EFCAB14: variants seen among roughly 807,000 people sequenced by gnomAD.
EFCAB14 encodes EF-hand calcium-binding domain-containing protein 14.
A neutral mutation model predicts 56.5 loss-of-function variants in EFCAB14; 43 were observed. That is an observed-to-expected ratio of 0.76 (90% confidence interval 0.60 to 0.98). The LOEUF (loss-of-function observed/expected upper bound fraction) is 0.98. Among genes scored for constraint, EFCAB14 ranks in the 50% least tolerant of loss-of-function variants. The pLI is 0.00. For missense variants in EFCAB14, 538 were observed against 580.3 expected (o/e 0.93, Z 0.75); for synonymous variants, 235 against 212.9 (o/e 1.10, Z -0.90).
intron 10 of EFCAB14, among the ~76,000 whole-genome samples, chr1:46,678,980 G>A (rs1453746862): frequency 2.6e-5 from 4 of 152,184 alleles, no homozygotes; most frequent in East Asian, 3.8e-4. Context: ...ACAGATAATC[G>A]CAGGAGAATG....
chr1:46,691,179 GT>G (rs1189589175), intron 5 of EFCAB14, among the ~76,000 whole-genome samples: 1 of 152,198 alleles, frequency 6.6e-6, no homozygotes, highest in Non-Finnish European at 1.5e-5. Flanking sequence ...CACTGCAGGG[GT>G]TTGATTCTGT....
chr1:46,695,234 A>G (rs1018916141), intron 4 of EFCAB14, among the ~76,000 whole-genome samples: 1 of 152,174 alleles, frequency 6.6e-6, no homozygotes, highest in Non-Finnish European at 1.5e-5. Flanking sequence ...AAAAAGAATA[A>G]ACCAGTTTCC....
chr1:46,704,476 CAAA>C lies in EFCAB14; in HGVS notation c.480+3427_480+3429del, dbSNP rs35092498. ...TGGGTGACACAGTGAGATTGTGTCT[CAAA>C]AAAAAAAAAAAAAAAAAAAGGTCAG... On this transcript the variant is annotated intron_variant, in intron 3 of 10. Transcript: ENST00000371933. Among the ~76,000 whole-genome samples the C allele has an allele frequency of 2.6e-4, 19 of 73,982 alleles. No individual in the cohort carries two copies. The East Asian group carries it at 6.0e-3, about 23-fold the overall frequency. The allele number at this position is 73,982 out of a possible 152,430, so 48.5% of individuals were successfully genotyped here.
chr1:46,686,681 C>T (rs1397624611), intron 8 of EFCAB14, 103 bp downstream of exon 8: 2 of 1,138,962 alleles, frequency 1.8e-6, no homozygotes, highest in Non-Finnish European at 2.6e-6. Context: ...AGTTTCAGCA[C>T]ATGAGAACAA....
At chr1:46,685,947 G>A (rs12059461) in intron 8 of EFCAB14, among the ~76,000 whole-genome samples, 3,544 of 152,244 alleles carry the variant, frequency 0.023, 144 homozygotes, top group African/African-American at 0.081. Flanking sequence ...ATTAAGGTAG[G>A]AAAAATAAAG....
In EFCAB14 at chr1:46,676,742, T is replaced by C. The variant is rs1676700966; in HGVS notation, c.*1719A>G. 1 of 152,598 alleles carries C rather than the reference T, an allele frequency of 6.6e-6. No individual in the cohort carries two copies. Among genetic ancestry groups the C allele is most frequent in the African/African-American group, 2.4e-5 (1 of 41,446 alleles). The allele number at this position is 152,598 out of a possible 1,614,324, so 9.5% of individuals were successfully genotyped here. ...TTTAACCTTTCCAAGAAAGTGAAACTGAGCATAAGCTATAATGAGATAAGG... is the reference window on the plus strand; with the variant it reads ...TTTAACCTTTCCAAGAAAGTGAAACCGAGCATAAGCTATAATGAGATAAGG... On this transcript the variant is annotated 3_prime_UTR_variant, in exon 11 of 11. Transcript: ENST00000371933.
At chr1:46,717,818 A>T in intron 1 of EFCAB14, 85 bp downstream of exon 1, 1 of 1,432,202 alleles carries the variant, frequency 7.0e-7, no homozygotes, top group South Asian at 1.3e-5. Context: ...CTTCCTAAGG[A>T]CTTCCTTTCT....
intron 8 of EFCAB14, 94 bp downstream of exon 8, chr1:46,686,690 A>T (rs1676887369): frequency 8.0e-7 from 1 of 1,253,784 alleles, no homozygotes. Context: ...ACATGAGAAC[A>T]AAAGTACGCC....
Position 46,692,806 on chromosome 1 carries a change from G to C in EFCAB14, c.580-869C>G, listed in dbSNP as rs4660955. Among the ~76,000 whole-genome samples the C allele has an allele frequency of 5.6e-3, 855 of 152,280 alleles. 10 individuals are homozygous for C. Among genetic ancestry groups the C allele is most frequent in the East Asian group, 0.034 (174 of 5,186 alleles). On this transcript the variant is annotated intron_variant, in intron 4 of 10. Coordinates refer to ENST00000371933, the MANE Select transcript of EFCAB14 (RefSeq NM_014774.3). ...TAGTGTATACTGAGATAATTAACAGGACTCTTTCTCTATCAATCAAACAAG... is the reference window on the plus strand; with the variant it reads ...TAGTGTATACTGAGATAATTAACAGCACTCTTTCTCTATCAATCAAACAAG...
Position 46,686,815 on chromosome 1 carries a change from C to T in EFCAB14, c.1043G>A (p.Arg348Lys), listed in dbSNP as rs531197471. Reference sequence around the variant, plus strand: ...GCTTTGGATTTTTACTGTATCTGTTCTGTTGGTGACTTGATCCAAAGACTG... The same window carrying T: ...GCTTTGGATTTTTACTGTATCTGTTTTGTTGGTGACTTGATCCAAAGACTG... The part of the protein sequence containing the change: ...KRQSLDQVTN[R>K]TDTVKIQSIK... The change falls in exon 8 of 11, where the codon AGA becomes AAA. Residue 348 changes from arginine (R) to lysine (K), a missense_variant. Physicochemically the swap from Arg to Lys is conservative, Grantham distance 26. Coordinates refer to ENST00000371933, the MANE Select transcript of EFCAB14 (RefSeq NM_014774.3). The T allele has an allele frequency of 6.2e-7, 1 of 1,613,812 alleles. No homozygotes were observed. Among genetic ancestry groups the T allele is most frequent in the South Asian group, 1.1e-5 (1 of 91,076 alleles).
intron 2 of EFCAB14, among the ~76,000 whole-genome samples, chr1:46,711,805 T>C (rs1677311936): frequency 6.6e-6 from 1 of 152,198 alleles, no homozygotes; most frequent in Non-Finnish European, 1.5e-5. Flanking sequence ...ATTTATACAA[T>C]GTCTTTCCAG....
At chr1:46,680,342 G>A (rs905111747) in intron 10 of EFCAB14, among the ~76,000 whole-genome samples, 4 of 152,214 alleles carry the variant, frequency 2.6e-5, no homozygotes, top group South Asian at 2.1e-4. Flanking sequence ...AGACCAAAAT[G>A]TGTTAGGTCA....
chr1:46,688,498 A>G lies in EFCAB14; in HGVS notation c.842T>C (p.Leu281Pro). 6.2e-7 allele frequency: 1 copy of G among 1,613,864 alleles called. No homozygotes were observed. Among genetic ancestry groups the G allele is most frequent in the Non-Finnish European group, 8.5e-7 (1 of 1,179,850 alleles). ...HNSLEEVNSA[L>P]VGYQRQNDLK... ...ATCATTCTGTCTCTGGTACCCCACT[A>G]GGGCACTGTTTACCTCCTCTAAAGA... is the stretch of plus-strand genomic sequence containing the variant. Residue 281 changes from leucine (L) to proline (P), a missense_variant, in exon 7 of 11, where the codon CTA becomes CCA. Leu to Pro is a moderately conservative substitution (Grantham distance 98). Coordinates refer to ENST00000371933, the MANE Select transcript of EFCAB14 (RefSeq NM_014774.3).
chr1:46,687,812 G>A (rs551646723), intron 7 of EFCAB14, among the ~76,000 whole-genome samples: 1 of 152,282 alleles, frequency 6.6e-6, no homozygotes, highest in Non-Finnish European at 1.5e-5. Flanking sequence ...GTAAAATGAG[G>A]AGGTGAACTC....
At position 46,716,402 on chromosome 1, in the gene EFCAB14, C is replaced by G. The variant is rs772763318; in HGVS notation, c.227G>C (p.Cys76Ser). 3 of 1,614,114 alleles carry G rather than the reference C, an allele frequency of 1.9e-6. No homozygotes were observed. The East Asian group carries it at 6.7e-5, about 36-fold the overall frequency. The change falls in exon 2 of 11, where the codon TGT becomes TCT. Residue 76 changes from cysteine (C) to serine (S), a missense_variant. Coordinates refer to ENST00000371933, the MANE Select transcript of EFCAB14 (RefSeq NM_014774.3). ...LRCCKICYPL[C>S]GFVILAACVV... is the part of the protein sequence containing the mutation. ...ACAGGCAGCAAGGATGACAAAACCA[C>G]AGAGCGGATAACAGATCTTGCAGCA...
Position 46,675,824 on chromosome 1 carries a change from C to CT in EFCAB14, c.*2636dup, listed in dbSNP as rs1676685756. On this transcript the variant is annotated 3_prime_UTR_variant, in exon 11 of 11. Transcript: ENST00000371933. ...TTTGCCTCTCTGATTTATGGGGAGG[C>CT]TCTTTTAGTAAACATTATACAAGAT... 1 of 152,102 alleles carries CT rather than the reference C, an allele frequency of 6.6e-6. No homozygotes were observed. Among genetic ancestry groups the CT allele is most frequent in the South Asian group, 2.1e-4 (1 of 4,822 alleles). The allele number at this position is 152,102 out of a possible 1,614,324, so 9.4% of individuals were successfully genotyped here.
Position 46,718,210 on chromosome 1 carries a change from G to A in EFCAB14, c.-123C>T, listed in dbSNP as rs1430629793. 3.9e-6 allele frequency: 4 copies of A among 1,025,820 alleles called. No individual in the cohort carries two copies. The highest frequency in any genetic ancestry group is 5.0e-5 in the East Asian group (2 of 40,166). The allele number at this position is 1,025,820 out of a possible 1,614,324, so 63.5% of individuals were successfully genotyped here. A position where few individuals can be genotyped will look rare whatever the true frequency, so the allele number is the denominator to read the frequency against. ...GGGAATCCTGGGCCAGAGCCCCCTGGTCACTCCCACCTAGGGGTGGGACTG... is the reference window on the plus strand; with the variant it reads ...GGGAATCCTGGGCCAGAGCCCCCTGATCACTCCCACCTAGGGGTGGGACTG... On this transcript the variant is annotated 5_prime_UTR_variant, in exon 1 of 11. Transcript: ENST00000371933.
At chr1:46,716,479 A>G (rs748944588) in intron 1 of EFCAB14, 36 bp from the exon 2 acceptor site, 1 of 1,611,584 alleles carries the variant, frequency 6.2e-7, no homozygotes. Context: ...TGAGTACAAA[A>G]GTGATTATGG....
intron 3 of EFCAB14, among the ~76,000 whole-genome samples, chr1:46,707,442 C>G (rs1176376817): frequency 6.6e-6 from 1 of 152,172 alleles, no homozygotes; most frequent in African/African-American, 2.4e-5. Context: ...ATTTGACTGA[C>G]CAAGGTATTT....
Sources: allele counts gnomAD v4.1 joint callset (sites outside exome capture counted in the v4.1 genomes callset), GRCh38; gene constraint gnomAD v4.1.1; transcripts MANE v1.5; gene names NCBI Gene and HGNC (gene_info 2026-07-23, HGNC 2026-07-21).